Variants in HAVCR1 observed in about 807,000 individuals in gnomAD.
HAVCR1 encodes hepatitis A virus cellular receptor 1.
A neutral mutation model predicts 32.0 loss-of-function variants in HAVCR1; 34 were observed. The observed-to-expected ratio is 1.06, with a 90% CI of 0.81 to 1.42. The LOEUF is 1.42. Ranked by LOEUF, HAVCR1 falls within the 40% of genes most tolerant of loss-of-function variation. The probability of loss-of-function intolerance (pLI) is 0.00; values close to 1 mark genes in which losing one functional copy is unlikely to be tolerated. For synonymous variants in HAVCR1, 178 were observed against 170.3 expected, an observed-to-expected ratio of 1.05 and a Z score of -0.35; for missense variants, 420 against 442.3, an observed-to-expected ratio of 0.95 and a Z score of 0.45.
chr5:157,037,421 T>A, intron 6 of HAVCR1, 60 bp from the exon 7 acceptor site: 2 of 808,178 alleles, frequency 2.5e-6, no homozygotes, highest in South Asian at 3.0e-5. Flanking sequence ...AGAGAAAACA[T>A]TTCCCAGAAT....
chr5:157,044,623 AAG>A (rs753646659), intron 5 of HAVCR1, among the ~76,000 whole-genome samples: 1 of 53,276 alleles, frequency 1.9e-5, no homozygotes, highest in East Asian at 6.3e-4. Context: ...AAGAGAAAGA[AAG>A]AAAGAAAGAA....
At chr5:157,047,839 C>T (rs1027675209) in intron 5 of HAVCR1, among the ~76,000 whole-genome samples, 2 of 152,142 alleles carry the variant, frequency 1.3e-5, no homozygotes, top group African/African-American at 4.8e-5. Flanking sequence ...TTCCAGAGAC[C>T]CGAACTTGTG....
At chr5:157,063,238 C>G (rs181315903), upstream of HAVCR1, among the ~76,000 whole-genome samples, 1 of 150,174 alleles carries the variant, frequency 6.7e-6, no homozygotes, top group South Asian at 2.1e-4. Flanking sequence ...TCCTATTCAT[C>G]TGGAATGTAC....
At chr5:157,056,632 G>A (rs1407635506) in intron 2 of HAVCR1, among the ~76,000 whole-genome samples, 1 of 148,802 alleles carries the variant, frequency 6.7e-6, no homozygotes, top group African/African-American at 2.5e-5. Flanking sequence ...TGCCCGCCTT[G>A]GCCTCCCAAA....
chr5:157,042,693 A>G lies in HAVCR1; in HGVS notation c.782-11T>C, dbSNP rs377191911. 363 of 1,527,604 alleles carry G rather than the reference A, an allele frequency of 2.4e-4. 5 individuals carry two copies. In the East Asian group the frequency reaches 6.5e-3, roughly 27 times the overall value. 94.6% of individuals were successfully genotyped at this position (1,527,604 alleles called of 1,614,324 possible). On this transcript the variant is annotated splice_polypyrimidine_tract_variant and intron_variant, in intron 5 of 8. Transcript: ENST00000523175. ...CGGTGTCATTCCCATCTACTCAACA[A>G]GAAGGAAATTTAATTAGAATTACAA...
At chr5:157,047,056 C>T (rs925462312) in intron 5 of HAVCR1, among the ~76,000 whole-genome samples, 4 of 152,108 alleles carry the variant, frequency 2.6e-5, no homozygotes, top group African/African-American at 9.7e-5. Flanking sequence ...TCCCATATCC[C>T]TGATTATAGT....
At chr5:157,031,806 A>G (rs1031915849) in intron 8 of HAVCR1, among the ~76,000 whole-genome samples, 2 of 151,846 alleles carry the variant, frequency 1.3e-5, no homozygotes, top group African/African-American at 2.4e-5. Context: ...AAAAAAAAAA[A>G]AAAAAAAAAA....
the HAVCR1 span, among the ~76,000 whole-genome samples, chr5:157,068,516 G>A: frequency 5.9e-5 from 9 of 152,064 alleles, no homozygotes; most frequent in Non-Finnish European, 1.0e-4. Flanking sequence ...GGGCCCAGGA[G>A]TTCAAGGTTA....
intron 3 of HAVCR1, among the ~76,000 whole-genome samples, chr5:157,053,857 AAG>A (rs1340325950): frequency 6.6e-6 from 1 of 150,390 alleles, no homozygotes; most frequent in Non-Finnish European, 1.5e-5. Flanking sequence ...GCGACAGAGA[AAG>A]ACTCTGTCTC....
intron 7 of HAVCR1, among the ~76,000 whole-genome samples, chr5:157,036,067 G>T (rs750761993): frequency 1.3e-5 from 2 of 152,170 alleles, no homozygotes; most frequent in Non-Finnish European, 2.9e-5. Context: ...TCTTGGCCTG[G>T]CATTGTGGCT....
intron 5 of HAVCR1, among the ~76,000 whole-genome samples, chr5:157,046,866 G>A (rs1210319191): frequency 6.6e-6 from 1 of 152,096 alleles, no homozygotes. Flanking sequence ...TCATGAAGGC[G>A]GGGCTCTCAT....
chr5:157,069,302 C>T, the HAVCR1 span, among the ~76,000 whole-genome samples: 1 of 152,158 alleles, frequency 6.6e-6, no homozygotes, highest in African/African-American at 2.4e-5. Flanking sequence ...TACGAAAGTC[C>T]AAGCAACTAT....
chr5:157,044,645 G>GAAAGAAAGA (rs1755239204), intron 5 of HAVCR1, among the ~76,000 whole-genome samples: 2 of 114,326 alleles, frequency 1.7e-5, no homozygotes, highest in Non-Finnish European at 3.5e-5. Context: ...AAGAAAGAAA[G>GAAAGAAAGA]AAAGAAAGAA....
intron 7 of HAVCR1, among the ~76,000 whole-genome samples, chr5:157,035,478 G>A (rs1754471130): frequency 6.6e-6 from 1 of 152,114 alleles, no homozygotes; most frequent in African/African-American, 2.4e-5. Flanking sequence ...GCAGAAGGGA[G>A]ACATGAAGCC....
chr5:157,054,364 T>C (rs1755988154), intron 3 of HAVCR1, among the ~76,000 whole-genome samples: 1 of 151,224 alleles, frequency 6.6e-6, no homozygotes, highest in Non-Finnish European at 1.5e-5. Flanking sequence ...ACTAGCTGGG[T>C]ATGGTGGTGC....
the HAVCR1 span, among the ~76,000 whole-genome samples, chr5:157,068,956 C>T: frequency 6.6e-6 from 1 of 152,164 alleles, no homozygotes; most frequent in African/African-American, 2.4e-5. Flanking sequence ...GAGCTATGCC[C>T]TCAACACATT....
chr5:157,068,007 C>T, the HAVCR1 span, among the ~76,000 whole-genome samples: 4 of 151,522 alleles, frequency 2.6e-5, no homozygotes, highest in Non-Finnish European at 2.9e-5. Context: ...ACAAAACAGC[C>T]GGATGTATAA....
At chr5:157,064,160 A>G in the HAVCR1 span, among the ~76,000 whole-genome samples, 2 of 152,180 alleles carry the variant, frequency 1.3e-5, no homozygotes, top group Non-Finnish European at 2.9e-5. Context: ...TCAGGAGACT[A>G]TGGAAAGATT....
intron 7 of HAVCR1, among the ~76,000 whole-genome samples, chr5:157,035,219 A>AG (rs1333505999): frequency 1.3e-5 from 2 of 152,082 alleles, no homozygotes; most frequent in Admixed American, 1.3e-4. Flanking sequence ...TTTCAGAGGG[A>AG]AAGTTTGAAC....
Sources: gnomAD v4.1 joint callset for allele counts (sites outside exome capture counted in the v4.1 genomes callset) on GRCh38, gnomAD v4.1.1 for gene constraint, MANE v1.5 for transcripts, NCBI Gene and HGNC (gene_info 2026-07-23, HGNC 2026-07-21) for gene names.